Variants in CFAP69 observed in about 807,000 individuals in gnomAD.
CFAP69 encodes the protein cilia and flagella associated protein 69.
A neutral mutation model predicts 123.0 loss-of-function variants in CFAP69; 92 were observed. The ratio of observed to expected loss-of-function variants is 0.75; its 90% confidence interval spans 0.63 to 0.89. The LOEUF is 0.89. Ranked by LOEUF, CFAP69 falls within the 40% of genes least tolerant of loss-of-function variation. CFAP69 has a pLI of 0.00. For synonymous variants in CFAP69, 380 were observed against 364.3 expected, an observed-to-expected ratio of 1.04 and a Z score of -0.49; for missense variants, 1,067 against 1,096.9, an observed-to-expected ratio of 0.97 and a Z score of 0.39.
Position 90,306,976 on chromosome 7 carries a change from G to C in CFAP69, c.2341G>C (p.Ala781Pro). 6.2e-7 allele frequency: 1 copy of C among 1,602,702 alleles called. No homozygotes were observed. Among genetic ancestry groups the C allele is most frequent in the Non-Finnish European group, 8.5e-7 (1 of 1,170,872 alleles). Residue 781 changes from alanine (A) to proline (P), a missense_variant, in exon 20 of 23, where the codon GCT becomes CCT. By Grantham distance (27) the Ala-to-Pro change is conservative. Transcript: ENST00000389297. Reference sequence around the variant, plus strand: ...AAGACCAGTCACTACAGATAAAAAAGCTTTGGAAGCTATTACAACAGCATC... The same window carrying C: ...AAGACCAGTCACTACAGATAAAAAACCTTTGGAAGCTATTACAACAGCATC... ...KLRPVTTDKK[A>P]LEAITTASEN...
Sources: allele counts gnomAD v4.1 joint callset, GRCh38; gene constraint gnomAD v4.1.1; transcripts MANE v1.5; gene names NCBI Gene and HGNC (gene_info 2026-07-23, HGNC 2026-07-21).